Variants in WDR19 observed in about 807,000 individuals in gnomAD.
WDR19 encodes the protein WD repeat domain 19.
Under a neutral mutation model 180.0 loss-of-function variants are expected in WDR19, and 121 were observed. That is an observed-to-expected ratio of 0.67 (90% CI 0.58 to 0.78). The LOEUF (loss-of-function observed/expected upper bound fraction) is 0.78. Among genes scored for constraint, WDR19 ranks in the 30% least tolerant of loss-of-function variants. WDR19 has a pLI of 0.00. For missense variants in WDR19, 1,450 were observed against 1,640.7 expected, an observed-to-expected ratio of 0.88 and a Z score of 2.01; for synonymous variants, 497 against 540.7, an observed-to-expected ratio of 0.92 and a Z score of 1.12.
chr4:39,205,183 G>C lies in WDR19; in HGVS notation c.633G>C (p.Leu211Phe). The change falls in exon 8 of 37, where the codon TTG becomes TTC. Residue 211 changes from leucine (L) to phenylalanine (F), a missense_variant. By Grantham distance (22) the Leu-to-Phe change is conservative. Coordinates refer to ENST00000399820, the MANE Select transcript of WDR19 (RefSeq NM_025132.4). The part of the protein sequence containing the change: ...MISVVLGKKT[L>F]FFLNLNEPDN... ...GTGTGGTGCTTGGCAAGAAAACTTT[G>C]TTTTTTTTAAATCTGAATGAACCAG... is the stretch of plus-strand genomic sequence containing the variant. 1 of 1,595,824 alleles carries C rather than the reference G, an allele frequency of 6.3e-7. No homozygotes were observed. The highest frequency in any genetic ancestry group is 8.5e-7 in the Non-Finnish European group (1 of 1,170,596).
intron 28 of WDR19, 27 bp downstream of exon 28, chr4:39,257,581 A>T: frequency 6.5e-7 from 1 of 1,546,316 alleles, no homozygotes; most frequent in Non-Finnish European, 8.7e-7. Context: ...TGAAACTTTC[A>T]ATAATGCCAA....
At chr4:39,200,988 A>G (rs1484329712) in intron 6 of WDR19, among the ~76,000 whole-genome samples, 2 of 152,226 alleles carry the variant, frequency 1.3e-5, no homozygotes, top group Admixed American at 1.3e-4. Context: ...ATAGAAGGCT[A>G]TCTGAATCAG....
intron 1 of WDR19, 41 bp downstream of exon 1, chr4:39,182,604 C>A: frequency 6.2e-7 from 1 of 1,613,224 alleles, no homozygotes; most frequent in South Asian, 1.1e-5. Context: ...CGGGAAAACG[C>A]GACTACTGGC....
At position 39,215,859 on chromosome 4, in the gene WDR19, G is replaced by A; in HGVS notation, c.980G>A (p.Trp327Ter). The A allele has an allele frequency of 3.7e-6, 6 of 1,613,220 alleles. No homozygotes were observed. Among genetic ancestry groups the A allele is most frequent in the Non-Finnish European group, 5.1e-6 (6 of 1,179,576 alleles). ...EENKGLGTLS[W>*]TDDGQLLALS... Reference sequence around the variant, plus strand: ...ATTTCAGGATTGGGTACCTTGTCCTGGACTGATGATGGCCAGTTGCTAGCA... The same window carrying A: ...ATTTCAGGATTGGGTACCTTGTCCTAGACTGATGATGGCCAGTTGCTAGCA... The change falls in exon 11 of 37, where the codon TGG becomes TAG. Residue 327 changes from tryptophan (W) to a stop codon, truncating the protein, a stop_gained. Transcript: ENST00000399820. LOFTEE classifies it high-confidence loss of function.
At chr4:39,207,999 A>G (rs1204160502) in intron 9 of WDR19, among the ~76,000 whole-genome samples, 1 of 152,138 alleles carries the variant, frequency 6.6e-6, no homozygotes, top group East Asian at 1.9e-4. Context: ...ATGCGATAAG[A>G]CTTCTACATT....
intron 9 of WDR19, among the ~76,000 whole-genome samples, chr4:39,207,370 T>C (rs1308515150): frequency 3.9e-4 from 59 of 152,120 alleles, no homozygotes; most frequent in Admixed American, 3.8e-3. Flanking sequence ...ATCCCAAAAA[T>C]AATGGCTGGA....
chr4:39,218,872 C>CT (rs56971483), intron 14 of WDR19: 52,335 of 151,856 alleles, frequency 0.34, 9,436 homozygotes, highest in African/African-American at 0.44. Context: ...TTGTTTTTCA[C>CT]TTTTTTTAAC....
intron 9 of WDR19, among the ~76,000 whole-genome samples, chr4:39,214,300 A>G (rs1728838478): frequency 6.6e-6 from 1 of 152,206 alleles, no homozygotes; most frequent in African/African-American, 2.4e-5. Context: ...AAATTTCTTC[A>G]GGACAATTTT....
intron 24 of WDR19, among the ~76,000 whole-genome samples, chr4:39,246,872 G>A (rs1220828378): frequency 6.6e-6 from 1 of 152,228 alleles, no homozygotes; most frequent in Non-Finnish European, 1.5e-5. Context: ...CAACTGGGTG[G>A]AGCCCACCAC....
rs1577845925 is a variant in WDR19 at position 39,195,398 on chromosome 4, A to AAC, written c.406+740_406+741insCA. 4.6e-5 allele frequency among the ~76,000 whole-genome samples: 7 copies of AAC among 151,786 alleles called. No homozygotes were observed. In the East Asian group the frequency reaches 1.2e-3, roughly 25 times the overall value. On this transcript the variant is annotated intron_variant, in intron 5 of 36. Coordinates refer to ENST00000399820, the MANE Select transcript of WDR19 (RefSeq NM_025132.4). ...AAAAAACAAAAAAACAAACAAACAAAAAAAAACATTTACTGCTTGGATAGA... is the reference window on the plus strand; with the variant it reads ...AAAAAACAAAAAAACAAACAAACAAAACAAAAAACATTTACTGCTTGGATAGA...
chr4:39,256,313 C>A (rs1157724862), intron 27 of WDR19, among the ~76,000 whole-genome samples: 1 of 152,216 alleles, frequency 6.6e-6, no homozygotes, highest in African/African-American at 2.4e-5. Flanking sequence ...TAGTTGCTTT[C>A]ACTGTTACAG....
At position 39,215,947 on chromosome 4, in the gene WDR19, C is replaced by T; in HGVS notation, c.1068C>T (p.Ala356=). Reference sequence around the variant, plus strand: ...CCAAGCTTCCCATACTTGGGGATGCCTGCAGCACAAGGATTGCCTATCTCA... The same window carrying T: ...CCAAGCTTCCCATACTTGGGGATGCTTGCAGCACAAGGATTGCCTATCTCA... ...FLTKLPILGD[A]CSTRIAYLTS... The change falls in exon 11 of 37, where the codon GCC becomes GCT. Residue 356 remains alanine, a synonymous_variant. Transcript: ENST00000399820. 6.2e-7 allele frequency: 1 copy of T among 1,613,534 alleles called. No homozygotes were observed. Among genetic ancestry groups the T allele is most frequent in the South Asian group, 1.1e-5 (1 of 90,976 alleles).
intron 14 of WDR19, chr4:39,219,109 T>A (rs1729396474): frequency 6.6e-6 from 1 of 152,212 alleles, no homozygotes; most frequent in African/African-American, 2.4e-5. Flanking sequence ...AACTTTTTTT[T>A]AATAAATAGA....
In WDR19 at chr4:39,208,495, C is replaced by T. The variant is rs759323923; in HGVS notation, c.890+2759C>T. On this transcript the variant is annotated intron_variant, in intron 9 of 36. Transcript: ENST00000399820. ...CTAATTTTTGTATTTTTAGTAGAGA[C>T]GGGGTTGTACCATGTTGGCAGGCTG... is the stretch of plus-strand genomic sequence containing the variant. Among the ~76,000 whole-genome samples the T allele has an allele frequency of 4.5e-4, 68 of 151,778 alleles. 1 individual carries two copies. The highest frequency in any genetic ancestry group is 1.7e-4 in the African/African-American group (7 of 41,390).
rs1381969257 is a variant in WDR19 at position 39,232,204 on chromosome 4, T to C, written c.2185T>C (p.Phe729Leu). Residue 729 changes from phenylalanine to leucine, a missense_variant, in exon 19 of 37, where the codon TTT (phenylalanine) becomes CTT (leucine). By Grantham distance (22) the Phe-to-Leu change is conservative. Transcript: ENST00000399820. ...TCTTTTGGCAGGACACCTTGCCATGTTTACCAACGATTATAACCTGGCTCA... is the reference window on the plus strand; with the variant it reads ...TCTTTTGGCAGGACACCTTGCCATGCTTACCAACGATTATAACCTGGCTCA... The part of the protein sequence containing the change: ...YNLLAGHLAM[F>L]TNDYNLAQDL... The C allele has an allele frequency of 1.2e-6, 2 of 1,613,864 alleles. No homozygotes were observed. Among genetic ancestry groups the C allele is most frequent in the Non-Finnish European group, 1.7e-6 (2 of 1,179,842 alleles).
intron 14 of WDR19, among the ~76,000 whole-genome samples, chr4:39,220,244 AC>A (rs1206925282): frequency 1.3e-5 from 2 of 152,140 alleles, no homozygotes; most frequent in African/African-American, 4.8e-5. Flanking sequence ...AAACAAAAAA[AC>A]AAAAAACAAT....
intron 3 of WDR19, among the ~76,000 whole-genome samples, chr4:39,188,597 C>T (rs1725809765): frequency 7.4e-6 from 1 of 135,742 alleles, no homozygotes; most frequent in Admixed American, 8.1e-5. Flanking sequence ...CCAGCCTGGG[C>T]GGCAGAGCCA....
In WDR19 at chr4:39,278,711, C is replaced by G. The variant is rs186033756; in HGVS notation, c.*13+48C>G. ...ACCTTCTGGGCGCAAGGGCCCACAG[C>G]GTGCACGCAGCTTTTCACTGTGTAT... On this transcript the variant is annotated intron_variant, in intron 36 of 36. Coordinates refer to ENST00000399820, the MANE Select transcript of WDR19 (RefSeq NM_025132.4). 6.9e-6 allele frequency: 8 copies of G among 1,155,674 alleles called. No individual in the cohort carries two copies. The South Asian group carries it at 1.1e-4, about 16-fold the overall frequency. The allele number at this position is 1,155,674 out of a possible 1,614,324, so 71.6% of individuals were successfully genotyped here.
intron 19 of WDR19, 141 bp downstream of exon 19, chr4:39,232,413 T>C (rs1358505822): frequency 6.1e-6 from 4 of 653,320 alleles, no homozygotes; most frequent in Non-Finnish European, 7.9e-6. Flanking sequence ...TCGCCTGAGG[T>C]CAGAAGTCCT....
Sources: gnomAD v4.1 joint callset for allele counts (sites outside exome capture counted in the v4.1 genomes callset) on GRCh38, gnomAD v4.1.1 for gene constraint, MANE v1.5 for transcripts, NCBI Gene and HGNC (gene_info 2026-07-23, HGNC 2026-07-21) for gene names.